Variants in STRIP1 observed in about 807,000 individuals in gnomAD.
STRIP1 encodes the protein striatin interacting protein 1.
A neutral mutation model predicts 106.2 loss-of-function variants in STRIP1; 63 were observed. The ratio of observed to expected loss-of-function variants is 0.59; its 90% CI spans 0.48 to 0.73. STRIP1 has a LOEUF of 0.73. Among genes scored for constraint, STRIP1 ranks in the 30% least tolerant of loss-of-function variants. STRIP1 has a pLI of 0.00. For missense variants in STRIP1, 857 were observed against 1,074.8 expected, an observed-to-expected ratio of 0.80 and a Z score of 2.83; for synonymous variants, 390 against 413.0, an observed-to-expected ratio of 0.94 and a Z score of 0.67.
chr1:110,038,083 T>C (rs1341693205), intron 2 of STRIP1, 123 bp downstream of exon 2: 2 of 130,178 alleles, frequency 1.5e-5, no homozygotes, highest in Non-Finnish European at 3.2e-5. Context: ...TATATATATA[T>C]ATATATATAT....
chr1:110,034,885 A>T, intron 1 of STRIP1, 68 bp downstream of exon 1: 1 of 1,353,292 alleles, frequency 7.4e-7, no homozygotes, highest in Non-Finnish European at 9.6e-7. Flanking sequence ...GCCCGGGGCC[A>T]CTCTAGGGGC....
chr1:110,051,182 C>A, intron 19 of STRIP1, 122 bp downstream of exon 19: 1 of 685,386 alleles, frequency 1.5e-6, no homozygotes. Flanking sequence ...GTAGCCGTAT[C>A]CTTGCATTTT....
chr1:110,032,355 A>C (rs868072528), upstream of STRIP1, among the ~76,000 whole-genome samples: 1 of 152,186 alleles, frequency 6.6e-6, no homozygotes, highest in African/African-American at 2.4e-5. Flanking sequence ...ACTAGGTTGG[A>C]CCTCAGGGGA....
intron 8 of STRIP1, chr1:110,042,879 C>T (rs2101773269): frequency 1.8e-6 from 1 of 556,318 alleles, no homozygotes; most frequent in Non-Finnish European, 3.2e-6. Context: ...CCTGCATCTC[C>T]ACTCTTTCCT....
Position 110,040,590 on chromosome 1 carries a change from T to C in STRIP1, c.582-45T>C, listed in dbSNP as rs371012119. On this transcript the variant is annotated intron_variant, in intron 5 of 20. Transcript: ENST00000369795. Reference sequence around the variant, plus strand: ...CAGTACTTGTCAGGGACATCACTTATCTTCCTTCTTGGAGGAAGATGCTGA... The same window carrying C: ...CAGTACTTGTCAGGGACATCACTTACCTTCCTTCTTGGAGGAAGATGCTGA... 38 of 1,572,066 alleles carry C rather than the reference T, an allele frequency of 2.4e-5. No homozygotes were observed. The African/African-American group carries it at 4.9e-4, about 20-fold the overall frequency.
Position 110,039,272 on chromosome 1 carries a change from C to T in STRIP1, c.426C>T (p.Leu142=). The part of the protein sequence containing the change: ...GLEVTAREKR[L]KVARAILYVA... ...AAGTCACTGCCAGGGAGAAGAGACTCAAGGTGGCTCGAGCAATTCTCTATG... is the reference window on the plus strand; with the variant it reads ...AAGTCACTGCCAGGGAGAAGAGACTTAAGGTGGCTCGAGCAATTCTCTATG... Residue 142 remains leucine (L), a synonymous_variant, in exon 4 of 21, where the codon CTC becomes CTT. Transcript: ENST00000369795. 3 of 1,614,142 alleles carry T rather than the reference C, an allele frequency of 1.9e-6. No individual in the cohort carries two copies. The highest frequency in any genetic ancestry group is 1.1e-5 in the South Asian group (1 of 91,076).
At position 110,039,592 on chromosome 1, in the gene STRIP1, G is replaced by T. The variant is rs1570915594; in HGVS notation, c.581+77G>T. ...GGGACAGAGCTTGCAGAACTAACTG[G>T]CTTTGAGAGGGTTAAATGGGGCAGA... On this transcript the variant is annotated intron_variant, in intron 5 of 20. Coordinates refer to ENST00000369795, the MANE Select transcript of STRIP1 (RefSeq NM_033088.4). The T allele has an allele frequency of 4.0e-6, 6 of 1,500,320 alleles. No individual in the cohort carries two copies. The South Asian group carries it at 7.4e-5, about 19-fold the overall frequency. 92.9% of individuals were successfully genotyped at this position (1,500,320 alleles called of 1,614,324 possible).
At chr1:110,031,874 CT>C (rs1322697250), upstream of STRIP1, among the ~76,000 whole-genome samples, 2 of 148,942 alleles carry the variant, frequency 1.3e-5, no homozygotes, top group Non-Finnish European at 3.0e-5. Flanking sequence ...AGCCATTTTT[CT>C]TTTTCAAAAA....
At chr1:110,039,009 T>C (rs1252504111) in intron 3 of STRIP1, 163 bp from the exon 4 acceptor site, 2 of 881,862 alleles carry the variant, frequency 2.3e-6, no homozygotes, top group South Asian at 3.6e-5. Flanking sequence ...GCGTTTCAGT[T>C]TGGAATCAAA....
In STRIP1 at chr1:110,046,761, A is replaced by G. The variant is rs771524392; in HGVS notation, c.1488+10A>G. On this transcript the variant is annotated intron_variant, in intron 13 of 20. Coordinates refer to ENST00000369795, the MANE Select transcript of STRIP1 (RefSeq NM_033088.4). ...CTCCCCTCTCTCAGGGGTAAGTTGGAGGTCCTCAGTCCGGGCGCGGTGGCT... is the reference window on the plus strand; with the variant it reads ...CTCCCCTCTCTCAGGGGTAAGTTGGGGGTCCTCAGTCCGGGCGCGGTGGCT... The G allele has an allele frequency of 4.3e-6, 7 of 1,610,388 alleles. No homozygotes were observed. The highest frequency in any genetic ancestry group is 3.4e-6 in the Non-Finnish European group (4 of 1,177,342).
At chr1:110,040,292 C>G (rs1652695433) in intron 5 of STRIP1, among the ~76,000 whole-genome samples, 1 of 152,212 alleles carries the variant, frequency 6.6e-6, no homozygotes, top group Non-Finnish European at 1.5e-5. Flanking sequence ...AGCTATTCTC[C>G]TGCCTCAGCC....
At chr1:110,036,433 G>A (rs1388493006) in intron 1 of STRIP1, among the ~76,000 whole-genome samples, 1 of 152,024 alleles carries the variant, frequency 6.6e-6, no homozygotes, top group Non-Finnish European at 1.5e-5. Flanking sequence ...CAGCCTGGGT[G>A]ACAAGAGCGA....
At chr1:110,033,249 C>A (rs1652277156), upstream of STRIP1, among the ~76,000 whole-genome samples, 1 of 151,616 alleles carries the variant, frequency 6.6e-6, no homozygotes, top group Non-Finnish European at 1.5e-5. Flanking sequence ...CCCACTGCCA[C>A]CTTTTAACCT....
At chr1:110,050,130 G>C in intron 17 of STRIP1, 2 of 552,450 alleles carry the variant, frequency 3.6e-6, no homozygotes, top group East Asian at 3.1e-5. Flanking sequence ...CAACAAGCTG[G>C]CCTCTGGCTA....
intron 17 of STRIP1, 89 bp downstream of exon 17, chr1:110,049,649 C>A: frequency 1.1e-6 from 1 of 908,502 alleles, no homozygotes; most frequent in South Asian, 1.4e-5. Context: ...ATTTTTCCAG[C>A]ACCTACGAGC....
chr1:110,041,349 CTG>C, intron 6 of STRIP1, 185 bp from the exon 7 acceptor site: 2 of 553,784 alleles, frequency 3.6e-6, no homozygotes, highest in South Asian at 2.1e-5. Flanking sequence ...GCTACCACCT[CTG>C]TGGTTTTTTT....
intron 2 of STRIP1, among the ~76,000 whole-genome samples, chr1:110,038,443 G>A (rs547520094): frequency 6.6e-6 from 1 of 152,312 alleles, no homozygotes; most frequent in Admixed American, 6.5e-5. Context: ...GCATGGCATG[G>A]TGGGATGGAT....
intron 20 of STRIP1, among the ~76,000 whole-genome samples, chr1:110,053,205 C>T (rs755627584): frequency 1.6e-4 from 24 of 152,216 alleles, no homozygotes; most frequent in Non-Finnish European, 2.4e-4. Context: ...TCTGTGTGTG[C>T]GTGTTGCTGC....
At position 110,053,805 on chromosome 1, in the gene STRIP1, C is replaced by T. The variant is rs768971352; in HGVS notation, c.2407C>T (p.Leu803=). Residue 803 remains leucine, a synonymous_variant, in exon 21 of 21, where the codon CTG becomes TTG. Transcript: ENST00000369795. ...AGTGGACAACTGCCTGCAGAGTGTC[C>T]TGGGCCAACGGGTGGACCTCCCTGA... is the stretch of plus-strand genomic sequence containing the variant. ...LPVDNCLQSV[L]GQRVDLPEDF... 4 of 1,614,186 alleles carry T rather than the reference C, an allele frequency of 2.5e-6. No individual in the cohort carries two copies. The highest frequency in any genetic ancestry group is 3.4e-6 in the Non-Finnish European group (4 of 1,180,038).
Sources: allele counts gnomAD v4.1 joint callset (sites outside exome capture counted in the v4.1 genomes callset), GRCh38; gene constraint gnomAD v4.1.1; transcripts MANE v1.5; gene names NCBI Gene and HGNC (gene_info 2026-07-23, HGNC 2026-07-21).